NFIL3: variants seen among roughly 807,000 people sequenced by gnomAD.
NFIL3 encodes the protein nuclear factor interleukin-3-regulated protein.
In NFIL3, 5 loss-of-function variants were observed where a neutral mutation model predicts 10.0. The ratio of observed to expected loss-of-function variants is 0.50; its 90% CI spans 0.26 to 1.06. The LOEUF (loss-of-function observed/expected upper bound fraction) is 1.06. NFIL3 is among the 50% of genes least tolerant of loss of function. NFIL3 has a pLI of 0.13. For synonymous variants in NFIL3, 202 were observed against 206.5 expected, an observed-to-expected ratio of 0.98 and a Z score of 0.19; for missense variants, 436 against 547.6, an observed-to-expected ratio of 0.80 and a Z score of 2.03.
At chr9:91,436,177 C>T in the NFIL3 span, among the ~76,000 whole-genome samples, 2 of 152,178 alleles carry the variant, frequency 1.3e-5, no homozygotes, top group Admixed American at 1.3e-4. Context: ...ATGCTGCTAC[C>T]AGAAAGAAAG....
At chr9:91,457,934 T>C in the NFIL3 span, among the ~76,000 whole-genome samples, 1 of 148,130 alleles carries the variant, frequency 6.8e-6, no homozygotes, top group Non-Finnish European at 1.5e-5. Flanking sequence ...ATCATACAGT[T>C]TTTTTCTTTT....
At chr9:91,467,763 A>C in the NFIL3 span, among the ~76,000 whole-genome samples, 1 of 140,502 alleles carries the variant, frequency 7.1e-6, no homozygotes, top group Non-Finnish European at 1.5e-5. Flanking sequence ...TTCAATTCCC[A>C]CCTATGAGTG....
At chr9:91,412,852 CAAAAAAA>C (rs769413699) in intron 1 of NFIL3, among the ~76,000 whole-genome samples, 2 of 60,396 alleles carry the variant, frequency 3.3e-5, no homozygotes, top group East Asian at 8.7e-4. Flanking sequence ...GACTTCGTCT[CAAAAAAA>C]AAAAAAAAAA....
At chr9:91,418,485 A>T (rs1413818271) in intron 1 of NFIL3, among the ~76,000 whole-genome samples, 1 of 152,264 alleles carries the variant, frequency 6.6e-6, no homozygotes, top group Non-Finnish European at 1.5e-5. Context: ...AAAGTTTCTA[A>T]TGATAATGTA....
the NFIL3 span, among the ~76,000 whole-genome samples, chr9:91,429,401 A>G: frequency 6.6e-6 from 1 of 152,316 alleles, no homozygotes; most frequent in South Asian, 2.1e-4. Context: ...ATTGCAGAAA[A>G]GAAAAACTGC....
the NFIL3 span, among the ~76,000 whole-genome samples, chr9:91,445,225 A>G: frequency 1.3e-5 from 2 of 152,232 alleles, no homozygotes; most frequent in Non-Finnish European, 2.9e-5. Context: ...TTCAGGTCCC[A>G]GAACCAATAG....
upstream of NFIL3, among the ~76,000 whole-genome samples, chr9:91,424,576 C>T (rs903416951): frequency 6.6e-6 from 1 of 152,178 alleles, no homozygotes; most frequent in Admixed American, 6.5e-5. Context: ...CCGCGACGGC[C>T]CGGAGCCGGG....
the NFIL3 span, among the ~76,000 whole-genome samples, chr9:91,429,356 A>G: frequency 6.6e-6 from 1 of 152,184 alleles, no homozygotes; most frequent in African/African-American, 2.4e-5. Flanking sequence ...TCCTTCTCTC[A>G]TTAGCATGGG....
At chr9:91,477,613 C>A in the NFIL3 span, among the ~76,000 whole-genome samples, 119 of 152,250 alleles carry the variant, frequency 7.8e-4, 1 homozygote, top group African/African-American at 2.8e-3. Context: ...AAAAATCAAT[C>A]GCTTTCCAAT....
chr9:91,426,832 G>C (rs1387463578), upstream of NFIL3: 1 of 152,164 alleles, frequency 6.6e-6, no homozygotes, highest in East Asian at 1.9e-4. Flanking sequence ...TTCTACAGCT[G>C]CAGAATGTCT....
Position 91,409,289 on chromosome 9 carries a change from G to C in NFIL3, c.*57C>G. 1 of 1,471,068 alleles carries C rather than the reference G, an allele frequency of 6.8e-7. No individual in the cohort carries two copies. The highest frequency in any genetic ancestry group is 9.1e-7 in the Non-Finnish European group (1 of 1,094,858). 91.1% of individuals were successfully genotyped at this position (1,471,068 alleles called of 1,614,324 possible). The stretch of plus-strand genomic sequence containing the variant: ...TGAAAATTCAGCATAATACAAAATG[G>C]ACTGCTCTATTGCAAATGACATCTT... On this transcript the variant is annotated 3_prime_UTR_variant, in exon 2 of 2. Transcript: ENST00000297689.
chr9:91,483,235 A>G, the NFIL3 span, among the ~76,000 whole-genome samples: 3 of 152,088 alleles, frequency 2.0e-5, no homozygotes, highest in African/African-American at 7.2e-5. Flanking sequence ...CTCCCGTCCT[A>G]TGTTTCCTGG....
the NFIL3 span, among the ~76,000 whole-genome samples, chr9:91,437,135 T>C: frequency 1.3e-5 from 2 of 152,210 alleles, no homozygotes. Context: ...CGCCCACCGC[T>C]CATCTCCTGC....
the NFIL3 span, among the ~76,000 whole-genome samples, chr9:91,448,219 A>G: frequency 2.6e-5 from 4 of 152,152 alleles, no homozygotes; most frequent in African/African-American, 7.2e-5. Flanking sequence ...TTGGGTTGCT[A>G]TAACAGAATA....
In NFIL3 at chr9:91,410,852, T is replaced by C; in HGVS notation, c.-118A>G. 8.9e-7 allele frequency: 1 copy of C among 1,122,872 alleles called. No individual in the cohort carries two copies. Among genetic ancestry groups the C allele is most frequent in the African/African-American group, 1.6e-5 (1 of 64,248 alleles). 69.6% of individuals were successfully genotyped at this position (1,122,872 alleles called of 1,614,324 possible). A position where few individuals can be genotyped will look rare whatever the true frequency, so the allele number is the denominator to read the frequency against. ...CAATATTCTTCCTTTTGTTCTACCG[T>C]CTGGGATAAATCCGTCAGGCTCCTT... is the stretch of plus-strand genomic sequence containing the variant. On this transcript the variant is annotated 5_prime_UTR_variant, in exon 2 of 2. Coordinates refer to ENST00000297689, the MANE Select transcript of NFIL3 (RefSeq NM_005384.3). The surrounding 1 kb of genome is among the most constrained non-coding windows in gnomAD (Gnocchi z 5.7).
the NFIL3 span, among the ~76,000 whole-genome samples, chr9:91,478,702 T>A: frequency 6.6e-6 from 1 of 152,128 alleles, no homozygotes; most frequent in Non-Finnish European, 1.5e-5. Context: ...GGAGTTGTGA[T>A]CCTTTGGAGG....
At chr9:91,421,989 A>C (rs1941010313) in intron 1 of NFIL3, among the ~76,000 whole-genome samples, 1 of 152,204 alleles carries the variant, frequency 6.6e-6, no homozygotes, top group African/African-American at 2.4e-5. Context: ...ACAAAAAAAC[A>C]ATCTACTAAC....
the NFIL3 span, among the ~76,000 whole-genome samples, chr9:91,460,271 C>CTTTTTTT: frequency 6.4e-4 from 45 of 70,422 alleles, 9 homozygotes; most frequent in African/African-American, 3.0e-3. Flanking sequence ...GGGCTTGGTT[C>CTTTTTTT]TTTTTTTTTT....
At chr9:91,453,294 A>ATT in the NFIL3 span, among the ~76,000 whole-genome samples, 8 of 152,148 alleles carry the variant, frequency 5.3e-5, no homozygotes, top group African/African-American at 1.2e-4. Flanking sequence ...TTACCTCTGA[A>ATT]AAGACTCTAT....
Sources: allele counts gnomAD v4.1 joint callset (sites outside exome capture counted in the v4.1 genomes callset), GRCh38; gene constraint gnomAD v4.1.1; non-coding constraint Gnocchi (gnomAD v3.1); transcripts MANE v1.5; gene names NCBI Gene and HGNC (gene_info 2026-07-23, HGNC 2026-07-21).